The following SLIT3 variants were observed in gnomAD, a reference collection of about 807,000 sequenced individuals.
SLIT3 encodes slit guidance ligand 3, also known as slit homolog 3 protein.
Under a neutral mutation model 184.0 loss-of-function variants are expected in SLIT3, and 68 were observed. That is an observed-to-expected ratio of 0.37 (90% confidence interval 0.30 to 0.45). The LOEUF is 0.45. Among genes scored for constraint, SLIT3 ranks in the 20% least tolerant of loss-of-function variants. The pLI is 1.00. For missense variants in SLIT3, 1,707 were observed against 2,026.0 expected, an observed-to-expected ratio of 0.84 and a Z score of 3.02; for synonymous variants, 831 against 828.6, an observed-to-expected ratio of 1.00 and a Z score of -0.05.
At chr5:168,716,161 G>A (rs1762723138) in intron 23 of SLIT3, among the ~76,000 whole-genome samples, 1 of 152,184 alleles carries the variant, frequency 6.6e-6, no homozygotes, top group South Asian at 2.1e-4. Flanking sequence ...AATTTTAGTA[G>A]AGACAGTGTT....
At chr5:168,739,607 A>G (rs113855837) in intron 20 of SLIT3, among the ~76,000 whole-genome samples, 8,912 of 151,710 alleles carry the variant, frequency 0.059, 538 homozygotes, top group African/African-American at 0.16. Flanking sequence ...GGCGCCCACA[A>G]CCACGTCTGG....
intron 5 of SLIT3, among the ~76,000 whole-genome samples, chr5:168,859,251 G>C (rs1435838028): frequency 6.6e-6 from 1 of 152,138 alleles, no homozygotes; most frequent in East Asian, 1.9e-4. Context: ...AATTGTCTCT[G>C]TACAAAAGGT....
intron 8 of SLIT3, among the ~76,000 whole-genome samples, chr5:168,807,494 A>G (rs1225681468): frequency 6.6e-6 from 1 of 152,148 alleles, no homozygotes; most frequent in East Asian, 1.9e-4. Flanking sequence ...AGCTTTCCAA[A>G]TGTGGATTTT....
At chr5:168,687,317 G>A (rs772708534) in intron 29 of SLIT3, among the ~76,000 whole-genome samples, 6 of 152,216 alleles carry the variant, frequency 3.9e-5, no homozygotes, top group Non-Finnish European at 8.8e-5. Flanking sequence ...GGCGAGTCTT[G>A]TGTTCCAGAG....
intron 4 of SLIT3, among the ~76,000 whole-genome samples, chr5:168,997,490 AG>A (rs1755555310): frequency 6.6e-6 from 1 of 152,174 alleles, no homozygotes; most frequent in Non-Finnish European, 1.5e-5. Context: ...ATGGGGGTAG[AG>A]GGAGGTATGC....
At chr5:169,156,906 C>T (rs1222293467) in intron 4 of SLIT3, among the ~76,000 whole-genome samples, 2 of 152,210 alleles carry the variant, frequency 1.3e-5, no homozygotes, top group Non-Finnish European at 2.9e-5. Flanking sequence ...TCAGGAATGA[C>T]ACAGATGGTG....
At chr5:168,936,445 G>A (rs2113187428) in intron 4 of SLIT3, among the ~76,000 whole-genome samples, 1 of 152,286 alleles carries the variant, frequency 6.6e-6, no homozygotes, top group East Asian at 1.9e-4. Context: ...ATGTTGGTCA[G>A]TCTTGTCTCG....
At position 168,666,409 on chromosome 5, in the gene SLIT3, C is replaced by CCAT. The variant is rs749240881; in HGVS notation, c.*42_*44dup. The CCAT allele has an allele frequency of 5.3e-6, 8 of 1,502,636 alleles. No homozygotes were observed. In the African/African-American group the frequency reaches 1.1e-4, roughly 21 times the overall value. 93.1% of individuals were successfully genotyped at this position (1,502,636 alleles called of 1,614,324 possible). A position where few individuals can be genotyped will look rare whatever the true frequency, so the allele number is the denominator to read the frequency against. The stretch of plus-strand genomic sequence containing the variant: ...GGGGTCCCACATGGCTGTCCCAACT[C>CCAT]CATCAAGCTGGAGTCCGAGAGGTGG... On this transcript the variant is annotated 3_prime_UTR_variant, in exon 36 of 36. Transcript: ENST00000519560.
At chr5:169,006,929 T>C (rs1366389750) in intron 4 of SLIT3, among the ~76,000 whole-genome samples, 1 of 146,270 alleles carries the variant, frequency 6.8e-6, no homozygotes, top group Non-Finnish European at 1.5e-5. Flanking sequence ...CACGCAGCCC[T>C]GCCCACCCCA....
chr5:168,813,664 A>G (rs62378501), intron 8 of SLIT3, among the ~76,000 whole-genome samples: 18,131 of 152,248 alleles, frequency 0.12, 1,358 homozygotes, highest in African/African-American at 0.19. Flanking sequence ...AATTTTGCCA[A>G]AGTGCACTGC....
At chr5:168,920,357 A>G (rs1761595487) in intron 4 of SLIT3, among the ~76,000 whole-genome samples, 1 of 152,086 alleles carries the variant, frequency 6.6e-6, no homozygotes, top group Non-Finnish European at 1.5e-5. Context: ...TACAGACTTC[A>G]CCGGGTGGCT....
At chr5:168,763,487 A>T (rs1755229771) in intron 14 of SLIT3, among the ~76,000 whole-genome samples, 1 of 152,216 alleles carries the variant, frequency 6.6e-6, no homozygotes, top group Non-Finnish European at 1.5e-5. Context: ...TCTGTTTTTC[A>T]GAGCACATTC....
At chr5:168,912,214 A>T (rs1761273746) in intron 4 of SLIT3, among the ~76,000 whole-genome samples, 1 of 152,164 alleles carries the variant, frequency 6.6e-6, no homozygotes, top group Admixed American at 6.6e-5. Flanking sequence ...GTAAAAATAC[A>T]GTATTTTAAC....
At chr5:169,124,511 C>A (rs1442947783) in intron 4 of SLIT3, among the ~76,000 whole-genome samples, 1 of 152,108 alleles carries the variant, frequency 6.6e-6, no homozygotes. Flanking sequence ...TTCCAGATAC[C>A]ACTTCACCCC....
At chr5:169,156,527 C>A (rs1546520) in intron 4 of SLIT3, among the ~76,000 whole-genome samples, 12,973 of 152,228 alleles carry the variant, frequency 0.085, 1,121 homozygotes, top group African/African-American at 0.23. Flanking sequence ...CACATCTGTG[C>A]CCATTTCCTG....
chr5:169,033,742 T>C (rs1333749646), intron 4 of SLIT3, among the ~76,000 whole-genome samples: 1 of 152,076 alleles, frequency 6.6e-6, no homozygotes, highest in African/African-American at 2.4e-5. Context: ...ATATTCTCTG[T>C]AGAAATGCCT....
chr5:168,897,493 A>G (rs1350079327), intron 4 of SLIT3, among the ~76,000 whole-genome samples: 1 of 152,134 alleles, frequency 6.6e-6, no homozygotes, highest in East Asian at 1.9e-4. Flanking sequence ...CAGAGACAAT[A>G]AAACCAGAGA....
At chr5:169,232,083 A>G (rs1272477628) in intron 3 of SLIT3, among the ~76,000 whole-genome samples, 1 of 152,186 alleles carries the variant, frequency 6.6e-6, no homozygotes, top group Non-Finnish European at 1.5e-5. Context: ...TGCACTGCCA[A>G]TATCTTCACC....
At chr5:168,828,786 G>A (rs1757787520) in intron 6 of SLIT3, among the ~76,000 whole-genome samples, 1 of 152,148 alleles carries the variant, frequency 6.6e-6, no homozygotes, top group Non-Finnish European at 1.5e-5. Context: ...TCTCAGCCTT[G>A]TGTGTTTAAT....
Sources: gnomAD v4.1 joint callset for allele counts (sites outside exome capture counted in the v4.1 genomes callset) on GRCh38, gnomAD v4.1.1 for gene constraint, MANE v1.5 for transcripts, NCBI Gene and HGNC (gene_info 2026-07-23, HGNC 2026-07-21) for gene names.